Variants in DEDD2 observed in about 807,000 individuals in gnomAD.
DEDD2 encodes DNA-binding death effector domain-containing protein 2.
DEDD2 carries 18 observed loss-of-function variants against 28.9 expected under a neutral mutation model. The observed-to-expected ratio is 0.62, with a 90% CI of 0.43 to 0.92. The LOEUF (loss-of-function observed/expected upper bound fraction) is 0.92. DEDD2 is among the 40% of genes least tolerant of loss of function. The pLI, the probability that DEDD2 is intolerant of heterozygous loss-of-function variation, is 0.00. For synonymous variants in DEDD2, 211 were observed against 206.1 expected (o/e 1.02, Z -0.20); for missense variants, 411 against 463.3 (o/e 0.89, Z 1.04).
chr19:42,201,260 T>C (rs1462616508), intron 4 of DEDD2, among the ~76,000 whole-genome samples: 1 of 152,200 alleles, frequency 6.6e-6, no homozygotes, highest in Non-Finnish European at 1.5e-5. Context: ...CCTCAATCAA[T>C]GAAGTGGATT....
At chr19:42,209,166 A>G (rs1046548749) in intron 4 of DEDD2, among the ~76,000 whole-genome samples, 5 of 151,866 alleles carry the variant, frequency 3.3e-5, no homozygotes, top group Non-Finnish European at 5.9e-5. Context: ...GCTTGAACCC[A>G]GGAGGCGGAG....
rs1004803314 is a variant in DEDD2 at position 42,210,787 on chromosome 19, C to T, written c.449-947G>A. Among the ~76,000 whole-genome samples, 7 of 151,972 alleles carry T rather than the reference C, an allele frequency of 4.6e-5. No homozygotes were observed. In the East Asian group the frequency reaches 7.7e-4, roughly 17 times the overall value. ...AACCATAAAATTAACACAAATAGGC[C>T]GCACACGGTGTGGCTCCCGCCTACA... On this transcript the variant is annotated intron_variant, in intron 3 of 4. Coordinates refer to ENST00000596251, the MANE Select transcript of DEDD2 (RefSeq NM_133328.4).
chr19:42,209,952 C>T, intron 3 of DEDD2, 112 bp from the exon 4 acceptor site: 1 of 1,344,666 alleles, frequency 7.4e-7, no homozygotes, highest in South Asian at 1.6e-5. Flanking sequence ...CTGAGTGAGC[C>T]AGTCTGCCTC....
chr19:42,219,024 G>C (rs543141817), upstream of DEDD2, among the ~76,000 whole-genome samples: 5 of 151,994 alleles, frequency 3.3e-5, no homozygotes, highest in Non-Finnish European at 7.4e-5. Context: ...ACAAACAAAC[G>C]CCAGGTGCGG....
In DEDD2 at chr19:42,217,056, C is replaced by G. The variant is rs753441244; in HGVS notation, c.-38-11G>C. 6 of 1,535,628 alleles carry G rather than the reference C, an allele frequency of 3.9e-6. No homozygotes were observed. In the Admixed American group the frequency reaches 5.9e-5, roughly 15 times the overall value. Reference sequence around the variant, plus strand: ...AGCTCAGAACCCGGCCTAGAACCCACACAGCGGGGAGGGGGCAGTGGTCAG... The same window carrying G: ...AGCTCAGAACCCGGCCTAGAACCCAGACAGCGGGGAGGGGGCAGTGGTCAG... On this transcript the variant is annotated splice_polypyrimidine_tract_variant and intron_variant, in intron 1 of 4. Coordinates refer to ENST00000596251, the MANE Select transcript of DEDD2 (RefSeq NM_133328.4).
intron 2 of DEDD2, among the ~76,000 whole-genome samples, chr19:42,215,975 C>T (rs2035951269): frequency 6.6e-6 from 1 of 152,174 alleles, no homozygotes; most frequent in South Asian, 2.1e-4. Context: ...TTACCTCCCT[C>T]TCTTCCCTAG....
At chr19:42,204,996 G>A (rs745543645) in intron 4 of DEDD2, among the ~76,000 whole-genome samples, 3 of 152,172 alleles carry the variant, frequency 2.0e-5, no homozygotes, top group Non-Finnish European at 4.4e-5. Flanking sequence ...TGATGGAGGC[G>A]CACAACACAC....
chr19:42,217,011 C>T lies in DEDD2; in HGVS notation c.-4G>A, dbSNP rs769037980. 62 of 1,575,414 alleles carry T rather than the reference C, an allele frequency of 3.9e-5. 1 individual carries two copies. In the Admixed American group the frequency reaches 1.0e-3, roughly 26 times the overall value. ...GGGTCGACCCGGATAGCGCCATTCC[C>T]GGGGGAGGGAGGCGGAACAAGCTCA... is the stretch of plus-strand genomic sequence containing the variant. On this transcript the variant is annotated 5_prime_UTR_variant, in exon 2 of 5. Coordinates refer to ENST00000596251, the MANE Select transcript of DEDD2 (RefSeq NM_133328.4).
At chr19:42,207,027 A>G (rs764278736) in intron 4 of DEDD2, among the ~76,000 whole-genome samples, 3 of 152,066 alleles carry the variant, frequency 2.0e-5, no homozygotes, top group Non-Finnish European at 4.4e-5. Context: ...AAGAGACCTG[A>G]AGCCTCCCTT....
intron 4 of DEDD2, among the ~76,000 whole-genome samples, chr19:42,203,037 C>T (rs527521542): frequency 1.2e-4 from 18 of 152,350 alleles, no homozygotes; most frequent in African/African-American, 4.3e-4. Context: ...CCACAACAAT[C>T]AGGTGATGCT....
chr19:42,218,421 G>A (rs1275739609), upstream of DEDD2, among the ~76,000 whole-genome samples: 1 of 151,924 alleles, frequency 6.6e-6, no homozygotes, highest in Non-Finnish European at 1.5e-5. Flanking sequence ...AGCCAAAACG[G>A]CCCCTCCGTA....
In DEDD2 at chr19:42,198,638, AT is replaced by A. The variant is rs1450408261; in HGVS notation, c.*799del. 6.6e-6 allele frequency: 1 copy of A among 152,282 alleles called. No individual in the cohort carries two copies. Among genetic ancestry groups the A allele is most frequent in the East Asian group, 1.9e-4 (1 of 5,204 alleles). The allele number at this position is 152,282 out of a possible 1,614,324, so 9.4% of individuals were successfully genotyped here. A position where few individuals can be genotyped will look rare whatever the true frequency, so the allele number is the denominator to read the frequency against. Reference sequence around the variant, plus strand: ...TTTCCAGGGCAGTTTAATTGGTATCATTTGTAAAAGGTCTTTTCCATCACCC... The same window carrying A: ...TTTCCAGGGCAGTTTAATTGGTATCATTGTAAAAGGTCTTTTCCATCACCC... On this transcript the variant is annotated 3_prime_UTR_variant, in exon 5 of 5. Coordinates refer to ENST00000596251, the MANE Select transcript of DEDD2 (RefSeq NM_133328.4).
In DEDD2 at chr19:42,215,172, T is replaced by C. The variant is rs753761196; in HGVS notation, c.409A>G (p.Ser137Gly). ...EGSCRRRRQSSSSANSQQGQW... is the reference protein window; with the variant it reads ...EGSCRRRRQSGSSANSQQGQW... Reference sequence around the variant, plus strand: ...CCCTGCTGAGAATTTGCAGAACTGCTTGACTGCCGACGGCGACGGCAGCTA... The same window carrying C: ...CCCTGCTGAGAATTTGCAGAACTGCCTGACTGCCGACGGCGACGGCAGCTA... The change falls in exon 3 of 5, where the codon AGC becomes GGC. Residue 137 changes from serine (S) to glycine (G), a missense_variant. Coordinates refer to ENST00000596251, the MANE Select transcript of DEDD2 (RefSeq NM_133328.4). 2 of 1,614,154 alleles carry C rather than the reference T, an allele frequency of 1.2e-6. No homozygotes were observed. The highest frequency in any genetic ancestry group is 2.7e-5 in the African/African-American group (2 of 75,018).
intron 4 of DEDD2, chr19:42,202,063 G>C (rs1351127189): frequency 2.5e-6 from 1 of 398,658 alleles, no homozygotes; most frequent in Non-Finnish European, 4.4e-6. Flanking sequence ...CTCTGAGCCT[G>C]TTTCCCCATC....
intron 4 of DEDD2, among the ~76,000 whole-genome samples, chr19:42,200,768 T>G (rs993030592): frequency 6.6e-6 from 1 of 152,196 alleles, no homozygotes; most frequent in Admixed American, 6.5e-5. Context: ...TCAACTCCCC[T>G]TTTTGCTGAA....
chr19:42,200,600 C>T (rs1021217577), intron 4 of DEDD2, among the ~76,000 whole-genome samples: 2 of 152,214 alleles, frequency 1.3e-5, no homozygotes, highest in African/African-American at 4.8e-5. Flanking sequence ...ACTCTCTTGC[C>T]ACAGAGCTGC....
intron 3 of DEDD2, among the ~76,000 whole-genome samples, chr19:42,213,706 A>G (rs1359813312): frequency 6.6e-6 from 1 of 152,246 alleles, no homozygotes. Context: ...AGAAACAATC[A>G]GGACATTCTA....
Position 42,216,890 on chromosome 19 carries a change from A to G in DEDD2, c.118T>C (p.Cys40Arg). 6.3e-7 allele frequency: 1 copy of G among 1,599,010 alleles called. No individual in the cohort carries two copies. Among genetic ancestry groups the G allele is most frequent in the Non-Finnish European group, 8.5e-7 (1 of 1,173,440 alleles). Residue 40 changes from cysteine (C) to arginine (R), a missense_variant, in exon 2 of 5, where the codon TGC (cysteine) becomes CGC (arginine). By Grantham distance (180) the Cys-to-Arg change is radical. Transcript: ENST00000596251. ...AGAAAGGCCAGGAGCTCCAGCTCGCACTCGGTCAGTTGCCCGCCCACCACC... is the reference window on the plus strand; with the variant it reads ...AGAAAGGCCAGGAGCTCCAGCTCGCGCTCGGTCAGTTGCCCGCCCACCACC... ...FEVVGGQLTECELELLAFLLD... is the reference protein window; with the variant it reads ...FEVVGGQLTERELELLAFLLD...
At position 42,216,875 on chromosome 19, in the gene DEDD2, G is replaced by C; in HGVS notation, c.133C>G (p.Leu45Val). Residue 45 changes from leucine to valine, a missense_variant, in exon 2 of 5, where the codon CTG becomes GTG. This residue lies in a region of DEDD2 where 282 missense variants were observed against 273.4 expected (regional missense o/e 1.03). Transcript: ENST00000596251. Reference protein sequence around the residue: ...GQLTECELELLAFLLDEAPGA... With the variant: ...GQLTECELELVAFLLDEAPGA... ...GGAGCCTCATCCAGCAGAAAGGCCA[G>C]GAGCTCCAGCTCGCACTCGGTCAGT... 1 of 1,597,056 alleles carries C rather than the reference G, an allele frequency of 6.3e-7. No homozygotes were observed. Among genetic ancestry groups the C allele is most frequent in the Non-Finnish European group, 8.5e-7 (1 of 1,172,420 alleles).
Sources: allele counts gnomAD v4.1 joint callset (sites outside exome capture counted in the v4.1 genomes callset), GRCh38; gene constraint gnomAD v4.1.1; regional missense constraint gnomAD v4.1.1; transcripts MANE v1.5; gene names NCBI Gene and HGNC (gene_info 2026-07-23, HGNC 2026-07-21).